LIX1: variants seen among roughly 807,000 people sequenced by gnomAD.
LIX1 encodes limb and CNS expressed 1, also known as protein limb expression 1 homolog.
LIX1 carries 24 observed loss-of-function variants against 33.4 expected under a neutral mutation model. That is an observed-to-expected ratio of 0.72 (90% confidence interval 0.52 to 1.01). The LOEUF (loss-of-function observed/expected upper bound fraction) is 1.01, where lower values mean the gene tolerates loss of function less well. LIX1 is among the 50% of genes least tolerant of loss of function. The pLI is 0.00. For missense variants in LIX1, 311 were observed against 339.2 expected, an observed-to-expected ratio of 0.92 and a Z score of 0.65; for synonymous variants, 124 against 124.0, an observed-to-expected ratio of 1.00 and a Z score of 0.00.
At chr5:97,102,407 G>A (rs1746757443) in intron 4 of LIX1, among the ~76,000 whole-genome samples, 1 of 152,212 alleles carries the variant, frequency 6.6e-6, no homozygotes, top group African/African-American at 2.4e-5. Flanking sequence ...CCAGGTCCCA[G>A]CAGGCAAGCT....
At chr5:97,139,395 A>C (rs914982684) in intron 1 of LIX1, among the ~76,000 whole-genome samples, 4 of 152,248 alleles carry the variant, frequency 2.6e-5, no homozygotes, top group Non-Finnish European at 5.9e-5. Flanking sequence ...ATCTGAAAGC[A>C]TAGCTATCTT....
At chr5:97,132,716 G>GCCAA (rs1748082853) in intron 1 of LIX1, among the ~76,000 whole-genome samples, 1 of 152,206 alleles carries the variant, frequency 6.6e-6, no homozygotes, top group Non-Finnish European at 1.5e-5. Flanking sequence ...TGTGCTGCCT[G>GCCAA]TGGTGGCTCC....
intron 2 of LIX1, among the ~76,000 whole-genome samples, chr5:97,116,409 T>C (rs1747637477): frequency 6.6e-6 from 1 of 151,708 alleles, no homozygotes; most frequent in Non-Finnish European, 1.5e-5. Flanking sequence ...GCTCTGTGTG[T>C]GCTGGGGATG....
At chr5:97,103,054 A>G in intron 4 of LIX1, 1 of 454,452 alleles carries the variant, frequency 2.2e-6, no homozygotes. Flanking sequence ...AGAATGGACA[A>G]GCTCACAGAT....
chr5:97,124,477 C>A lies in LIX1; in HGVS notation c.235G>T (p.Gly79Cys). The A allele has an allele frequency of 6.3e-7, 1 of 1,599,980 alleles. No individual in the cohort carries two copies. Among genetic ancestry groups the A allele is most frequent in the Non-Finnish European group, 8.5e-7 (1 of 1,172,194 alleles). ...TGGCTACTTCTTACCTGAAAGTTGC[C>A]AAAACAGCTTCCCCCTGGGAGGGTC... ...YVTLPGGSCF[G>C]NFQCCLSRAE... Residue 79 changes from glycine (G) to cysteine (C), a missense_variant, in exon 2 of 6, where the codon GGC becomes TGC. Physicochemically the swap from Gly to Cys is radical, Grantham distance 159. Transcript: ENST00000274382.
intron 1 of LIX1, among the ~76,000 whole-genome samples, chr5:97,131,946 T>C (rs1748064782): frequency 6.6e-6 from 1 of 152,160 alleles, no homozygotes; most frequent in African/African-American, 2.4e-5. Context: ...AGGGTAGAAA[T>C]GTGGTTGCTG....
intron 3 of LIX1, 100 bp downstream of exon 3, chr5:97,107,260 T>C: frequency 4.1e-6 from 5 of 1,226,612 alleles, no homozygotes; most frequent in Non-Finnish European, 5.6e-6. Flanking sequence ...ATCTACAGAA[T>C]TCTTAAAATA....
chr5:97,127,539 GT>G (rs1452664037), intron 1 of LIX1, among the ~76,000 whole-genome samples: 1 of 152,082 alleles, frequency 6.6e-6, no homozygotes, highest in Non-Finnish European at 1.5e-5. Flanking sequence ...GACAAATGAA[GT>G]GCAGAGGGAA....
chr5:97,094,352 T>A lies in LIX1; in HGVS notation c.*396A>T, dbSNP rs1172096353. 2.2e-5 allele frequency: 4 copies of A among 182,202 alleles called. No homozygotes were observed. The highest frequency in any genetic ancestry group is 2.2e-4 in the Admixed American group (4 of 18,512). 11.3% of individuals were successfully genotyped at this position (182,202 alleles called of 1,614,324 possible). A position where few individuals can be genotyped will look rare whatever the true frequency, so the allele number is the denominator to read the frequency against. ...AATCCTAAGTATTTTTAAACACTGC[T>A]ATCATGCTACTTCACCTAATTCTGG... On this transcript the variant is annotated 3_prime_UTR_variant, in exon 6 of 6. Transcript: ENST00000274382.
intron 4 of LIX1, among the ~76,000 whole-genome samples, chr5:97,097,637 T>A (rs975140136): frequency 6.6e-6 from 1 of 152,246 alleles, no homozygotes; most frequent in African/African-American, 2.4e-5. Flanking sequence ...TGTGACTATG[T>A]TATATCTTAA....
intron 2 of LIX1, among the ~76,000 whole-genome samples, chr5:97,112,970 TG>T (rs1015489269): frequency 6.6e-6 from 1 of 152,150 alleles, no homozygotes; most frequent in Non-Finnish European, 1.5e-5. Flanking sequence ...CAATAGAATA[TG>T]GTAGAAGTGA....
intron 2 of LIX1, among the ~76,000 whole-genome samples, chr5:97,117,767 G>A (rs1437008522): frequency 6.6e-6 from 1 of 152,124 alleles, no homozygotes; most frequent in African/African-American, 2.4e-5. Flanking sequence ...GCTTTGGTTT[G>A]AAAACCAGAT....
chr5:97,096,751 T>C (rs1466204774), intron 5 of LIX1, 59 bp downstream of exon 5: 1 of 1,188,620 alleles, frequency 8.4e-7, no homozygotes, highest in Non-Finnish European at 1.2e-6. Context: ...CCTGGGAAGA[T>C]GATAAGCCAC....
intron 2 of LIX1, among the ~76,000 whole-genome samples, 154 bp from the exon 3 acceptor site, chr5:97,107,654 A>G (rs1280779772): frequency 6.6e-6 from 1 of 152,226 alleles, no homozygotes; most frequent in Non-Finnish European, 1.5e-5. Flanking sequence ...AAGGTCACGC[A>G]GATTTTCCTT....
rs1746192337 is a variant in LIX1, at chr5:97,093,692, G to T, written c.*1056C>A. The T allele has an allele frequency of 6.6e-6, 1 of 151,632 alleles. No homozygotes were observed. Among genetic ancestry groups the T allele is most frequent in the South Asian group, 2.1e-4 (1 of 4,816 alleles). 9.4% of individuals were successfully genotyped at this position (151,632 alleles called of 1,614,324 possible). On this transcript the variant is annotated 3_prime_UTR_variant, in exon 6 of 6. Coordinates refer to ENST00000274382, the MANE Select transcript of LIX1 (RefSeq NM_153234.5). Reference sequence around the variant, plus strand: ...TCAGTTGATTGACCCATATGGATGAGTTAAATAGAGATGGCAATGTCTTAT... The same window carrying T: ...TCAGTTGATTGACCCATATGGATGATTTAAATAGAGATGGCAATGTCTTAT...
intron 4 of LIX1, among the ~76,000 whole-genome samples, chr5:97,101,539 A>G (rs1438605699): frequency 6.6e-6 from 1 of 152,212 alleles, no homozygotes; most frequent in African/African-American, 2.4e-5. Context: ...ACGAAGAATC[A>G]AGCTGTGTGT....
intron 4 of LIX1, 30 bp downstream of exon 4, chr5:97,105,160 C>G (rs750360524): frequency 1.3e-6 from 2 of 1,581,752 alleles, no homozygotes; most frequent in African/African-American, 2.7e-5. Flanking sequence ...ATTGGATAAT[C>G]AAACAAATAT....
chr5:97,124,249 C>A (rs1357431378), intron 2 of LIX1, among the ~76,000 whole-genome samples: 1 of 151,992 alleles, frequency 6.6e-6, no homozygotes, highest in East Asian at 1.9e-4. Context: ...ACATCTTTGC[C>A]AGTTATTGAA....
At chr5:97,099,476 GT>G (rs1213903700) in intron 4 of LIX1, among the ~76,000 whole-genome samples, 1 of 152,130 alleles carries the variant, frequency 6.6e-6, no homozygotes, top group African/African-American at 2.4e-5. Flanking sequence ...AAATTTTTTG[GT>G]TTTATGTCTT....
Sources: gnomAD v4.1 joint callset for allele counts (sites outside exome capture counted in the v4.1 genomes callset) on GRCh38, gnomAD v4.1.1 for gene constraint, MANE v1.5 for transcripts, NCBI Gene and HGNC (gene_info 2026-07-23, HGNC 2026-07-21) for gene names.